Variants in DNM1 observed in about 807,000 individuals in gnomAD.
The protein encoded by DNM1 is dynamin-1.
A neutral mutation model predicts 104.6 loss-of-function variants in DNM1; 29 were observed. That is an observed-to-expected ratio of 0.28 (90% confidence interval 0.21 to 0.38). DNM1 has a LOEUF of 0.38. Among genes scored for constraint, DNM1 ranks in the 10% least tolerant of loss-of-function variants. The pLI, the probability that DNM1 is intolerant of heterozygous loss-of-function variation, is 1.00. For synonymous variants in DNM1, 445 were observed against 475.8 expected, an observed-to-expected ratio of 0.94 and a Z score of 0.84; for missense variants, 640 against 1,189.4, an observed-to-expected ratio of 0.54 and a Z score of 6.79.
At chr9:128,219,885 C>A (rs1834839369) in intron 4 of DNM1, 103 bp from the exon 5 acceptor site, 2 of 804,770 alleles carry the variant, frequency 2.5e-6, no homozygotes, top group Non-Finnish European at 3.9e-6. Context: ...AGGCAGTGAG[C>A]AGGCAGGGGG....
At position 128,203,501 on chromosome 9, in the gene DNM1, C is replaced by G; in HGVS notation, c.31C>G (p.Pro11Ala). The change falls in exon 1 of 22, where the codon CCG becomes GCG. Residue 11 changes from proline to alanine, a missense_variant. Physicochemically the swap from Pro to Ala is conservative, Grantham distance 27. Transcript: ENST00000372923. The surrounding 1 kb of genome is among the most constrained non-coding windows in gnomAD (Gnocchi z 5.3). MGNRGMEDLI[P>A]LVNRLQDAFS... Reference sequence around the variant, plus strand: ...CAACCGCGGCATGGAAGATCTCATCCCGCTGGTCAACCGGCTGCAAGACGC... The same window carrying G: ...CAACCGCGGCATGGAAGATCTCATCGCGCTGGTCAACCGGCTGCAAGACGC... The G allele has an allele frequency of 6.5e-7, 1 of 1,534,212 alleles. No homozygotes were observed. The highest frequency in any genetic ancestry group is 8.7e-7 in the Non-Finnish European group (1 of 1,143,798).
rs1836946798 is a variant in DNM1, at chr9:128,248,207, A to G, written c.1905+272A>G. 1.9e-6 allele frequency: 1 copy of G among 530,858 alleles called. No individual in the cohort carries two copies. Among genetic ancestry groups the G allele is most frequent in the African/African-American group, 1.9e-5 (1 of 52,298 alleles). 32.9% of individuals were successfully genotyped at this position (530,858 alleles called of 1,614,324 possible). A position where few individuals can be genotyped will look rare whatever the true frequency, so the allele number is the denominator to read the frequency against. The stretch of plus-strand genomic sequence containing the variant: ...CCAGGCATGGTGGTGCGCGCCTGTA[A>G]TCCCAGCTACTCAGGAGGCTGAGGC... On this transcript the variant is annotated intron_variant, in intron 18 of 21. Coordinates refer to ENST00000372923, the MANE Select transcript of DNM1 (RefSeq NM_004408.4). The surrounding 1 kb of genome is among the most constrained non-coding windows in gnomAD (Gnocchi z 5.6).
rs34446611 is a variant in DNM1 at position 128,243,941 on chromosome 9, TTGTG to T, written c.1671+1621_1671+1624del. On this transcript the variant is annotated intron_variant, in intron 15 of 21. Transcript: ENST00000372923. This position sits in a 1 kb window ranked among gnomAD's most constrained non-coding sequence, Gnocchi z 4.0. The stretch of plus-strand genomic sequence containing the variant: ...GTGGGTGCTGGGAGGCGGGGTGTGT[TTGTG>T]TGTGTGTGTGTGTGTGTGTGTGTGG... Among the ~76,000 whole-genome samples the T allele has an allele frequency of 0.049, 7,065 of 143,754 alleles. 233 individuals are homozygous for T. Among genetic ancestry groups the T allele is most frequent in the Non-Finnish European group, 0.074 (4,801 of 64,554 alleles). The allele number at this position is 143,754 out of a possible 152,430, so 94.3% of individuals were successfully genotyped here. A position where few individuals can be genotyped will look rare whatever the true frequency, so the allele number is the denominator to read the frequency against.
rs534847110 is a variant in DNM1 at position 128,248,054 on chromosome 9, C to T, written c.1905+119C>T. On this transcript the variant is annotated intron_variant, in intron 18 of 21. Transcript: ENST00000372923. This position sits in a 1 kb window ranked among gnomAD's most constrained non-coding sequence, Gnocchi z 5.6. ...TTCTAATTTCTGGATTGGGGCCAGG[C>T]GCAGTGGCTCACACCTGTAAACCCA... 57 of 1,385,172 alleles carry T rather than the reference C, an allele frequency of 4.1e-5. 1 individual carries two copies. The South Asian group carries it at 5.3e-4, about 13-fold the overall frequency. 85.8% of individuals were successfully genotyped at this position (1,385,172 alleles called of 1,614,324 possible).
rs999875168 is a variant in DNM1 at position 128,218,464 on chromosome 9, G to A, written c.236-118G>A. On this transcript the variant is annotated intron_variant, in intron 2 of 21. Coordinates refer to ENST00000372923, the MANE Select transcript of DNM1 (RefSeq NM_004408.4). The surrounding 1 kb of genome is among the most constrained non-coding windows in gnomAD (Gnocchi z 4.8). The stretch of plus-strand genomic sequence containing the variant: ...ATCAAAATACATAATGGAGACGTGG[G>A]TGGTGGTTCTGCTTGGGTGTGTCTA... 28 of 1,404,578 alleles carry A rather than the reference G, an allele frequency of 2.0e-5. No individual in the cohort carries two copies. Among genetic ancestry groups the A allele is most frequent in the Middle Eastern group, 3.6e-4 (2 of 5,578 alleles). The allele number at this position is 1,404,578 out of a possible 1,614,324, so 87.0% of individuals were successfully genotyped here.
intron 1 of DNM1, among the ~76,000 whole-genome samples, chr9:128,215,166 C>A (rs998050302): frequency 6.6e-6 from 1 of 152,232 alleles, no homozygotes; most frequent in Admixed American, 6.5e-5. Flanking sequence ...GGGAAGCAGA[C>A]CTCTCGGGTC....
At chr9:128,252,147 C>T (rs2267959) in intron 21 of DNM1, 13,575 of 198,830 alleles carry the variant, frequency 0.068, 722 homozygotes, top group East Asian at 0.19. Flanking sequence ...TTTCCCAGGG[C>T]GGTTGTGGGG....
At position 128,254,520 on chromosome 9, in the gene DNM1, C is replaced by T; in HGVS notation, c.2535-134C>T. 1 of 1,549,256 alleles carries T rather than the reference C, an allele frequency of 6.5e-7. No homozygotes were observed. The highest frequency in any genetic ancestry group is 1.2e-5 in the South Asian group (1 of 86,868). ...TCCAGGAACCTTGCCACACCCACAC[C>T]TGCAGCCTCCCCTCCCCGGCCCTCC... On this transcript the variant is annotated intron_variant, in intron 21 of 21. Coordinates refer to ENST00000372923, the MANE Select transcript of DNM1 (RefSeq NM_004408.4). The surrounding 1 kb of genome is among the most constrained non-coding windows in gnomAD (Gnocchi z 6.1).
chr9:128,204,160 A>G (rs1175485635), intron 1 of DNM1: 1 of 152,418 alleles, frequency 6.6e-6, no homozygotes, highest in East Asian at 1.9e-4. Flanking sequence ...AGGACCGGGC[A>G]CGGCCTCCCG....
intron 1 of DNM1, among the ~76,000 whole-genome samples, chr9:128,204,557 G>A (rs1446365679): frequency 6.6e-6 from 1 of 152,226 alleles, no homozygotes; most frequent in Non-Finnish European, 1.5e-5. Flanking sequence ...AGCGGGGCAG[G>A]CAGGGTCGTG....
rs61020870 is a variant in DNM1, at chr9:128,220,742, C to CGCGCGCGCGCGCGTGTGTGT, written c.849+402_849+403insCGCGCGCGCGCGTGTGTGTG. Among the ~76,000 whole-genome samples, 1 of 136,278 alleles carries CGCGCGCGCGCGCGTGTGTGT rather than the reference C, an allele frequency of 7.3e-6. No individual in the cohort carries two copies. Among genetic ancestry groups the CGCGCGCGCGCGCGTGTGTGT allele is most frequent in the African/African-American group, 2.7e-5 (1 of 37,720 alleles). The allele number at this position is 136,278 out of a possible 152,430, so 89.4% of individuals were successfully genotyped here. A position where few individuals can be genotyped will look rare whatever the true frequency, so the allele number is the denominator to read the frequency against. ...CAGAACTGAAGTGCGCGCGCGCGCG[C>CGCGCGCGCGCGCGTGTGTGT]GTGTGTGTGTGTGTGTGTGTGTGTG... On this transcript the variant is annotated intron_variant, in intron 6 of 21. Coordinates refer to ENST00000372923, the MANE Select transcript of DNM1 (RefSeq NM_004408.4). The surrounding 1 kb of genome is among the most constrained non-coding windows in gnomAD (Gnocchi z 5.2).
chr9:128,239,350 A>G (rs909084199), intron 11 of DNM1, 95 bp from the exon 12 acceptor site: 7 of 880,630 alleles, frequency 7.9e-6, no homozygotes, highest in Non-Finnish European at 1.1e-5. Flanking sequence ...CTAACCTCCT[A>G]TATGTGCTGC....
Position 128,247,495 on chromosome 9 carries a change from C to A in DNM1, c.1893+9C>A, listed in dbSNP as rs769121301. 32 of 1,595,990 alleles carry A rather than the reference C, an allele frequency of 2.0e-5. No individual in the cohort carries two copies. Among genetic ancestry groups the A allele is most frequent in the Non-Finnish European group, 2.3e-5 (27 of 1,165,810 alleles). ...ACCCTGAGCGTGTTGGGGTGAGTGG[C>A]AGGGCAAGGAGAGGAAGGGCAAGCA... On this transcript the variant is annotated intron_variant, in intron 17 of 21. Transcript: ENST00000372923. The surrounding 1 kb of genome is among the most constrained non-coding windows in gnomAD (Gnocchi z 5.1).
intron 1 of DNM1, among the ~76,000 whole-genome samples, chr9:128,207,318 G>A (rs1169409769): frequency 1.1e-4 from 16 of 152,146 alleles, no homozygotes; most frequent in Admixed American, 1.0e-3. Context: ...AGTCGTTGGT[G>A]TAGAGATGGG....
chr9:128,250,439 C>G, intron 20 of DNM1, 83 bp downstream of exon 20: 1 of 1,392,126 alleles, frequency 7.2e-7, no homozygotes, highest in Non-Finnish European at 9.5e-7. Flanking sequence ...AGTGGCGCGC[C>G]CGCGTCACCG....
Position 128,220,679 on chromosome 9 carries a change from G to T in DNM1, c.849+338G>T, listed in dbSNP as rs1281400335. Among the ~76,000 whole-genome samples, 5 of 149,834 alleles carry T rather than the reference G, an allele frequency of 3.3e-5. No homozygotes were observed. The highest frequency in any genetic ancestry group is 1.2e-4 in the African/African-American group (5 of 41,254). ...AAGACCTTGACAGGGAATCCCAGGG[G>T]CTTCCCCAGGACTTTTCTCCATCTG... On this transcript the variant is annotated intron_variant, in intron 6 of 21. Transcript: ENST00000372923. This position sits in a 1 kb window ranked among gnomAD's most constrained non-coding sequence, Gnocchi z 5.2.
At chr9:128,228,107 T>C (rs1835453610) in intron 10 of DNM1, among the ~76,000 whole-genome samples, 1 of 152,002 alleles carries the variant, frequency 6.6e-6, no homozygotes, top group Non-Finnish European at 1.5e-5. Flanking sequence ...AGTGGTGCCA[T>C]CTCGGCTCAC....
At chr9:128,250,087 A>G in intron 19 of DNM1, 28 bp from the exon 20 acceptor site, 1 of 1,613,532 alleles carries the variant, frequency 6.2e-7, no homozygotes, top group Non-Finnish European at 8.5e-7. Context: ...TCAGGTCCCC[A>G]CCTCCTTCCC....
chr9:128,236,748 A>T (rs1292239022), intron 11 of DNM1, among the ~76,000 whole-genome samples: 1 of 152,164 alleles, frequency 6.6e-6, no homozygotes, highest in Non-Finnish European at 1.5e-5. Flanking sequence ...GCTACATGGG[A>T]GGCTGAGGTG....
Sources: allele counts gnomAD v4.1 joint callset (sites outside exome capture counted in the v4.1 genomes callset), GRCh38; gene constraint gnomAD v4.1.1; non-coding constraint Gnocchi (gnomAD v3.1); transcripts MANE v1.5; gene names NCBI Gene and HGNC (gene_info 2026-07-23, HGNC 2026-07-21).